CFAP210: variants seen among roughly 807,000 people sequenced by gnomAD.
CFAP210 encodes the protein cilia and flagella associated protein 210, also known as cilia- and flagella- associated protein 210.
chr2:169,670,540 C>T, the CFAP210 span, among the ~76,000 whole-genome samples: 1 of 152,144 alleles, frequency 6.6e-6, no homozygotes, highest in Non-Finnish European at 1.5e-5. Context: ...GAGTCAGAAA[C>T]CTGGGAGTGA....
chr2:169,665,510 G>A, the CFAP210 span, among the ~76,000 whole-genome samples: 12 of 152,078 alleles, frequency 7.9e-5, no homozygotes, highest in African/African-American at 2.9e-4. Context: ...AGTTGTTGCA[G>A]GGGAAGGATG....
At chr2:169,674,075 G>A in the CFAP210 span, among the ~76,000 whole-genome samples, 5 of 152,104 alleles carry the variant, frequency 3.3e-5, no homozygotes, top group East Asian at 1.9e-4. Context: ...CTGATGGAAG[G>A]CCAAGTATAC....
the CFAP210 span, among the ~76,000 whole-genome samples, chr2:169,694,063 TC>T: frequency 1.3e-5 from 2 of 152,218 alleles, no homozygotes; most frequent in African/African-American, 4.8e-5. Flanking sequence ...ACTCCCCGTT[TC>T]CCTCCTTCAC....
chr2:169,662,269 T>TTTC, the CFAP210 span: 1 of 1,590,060 alleles, frequency 6.3e-7, no homozygotes, highest in Non-Finnish European at 8.5e-7. Flanking sequence ...ACTTTTGCCC[T>TTTC]TTCAACTTAC....
chr2:169,681,579 G>A, the CFAP210 span, among the ~76,000 whole-genome samples: 1 of 152,098 alleles, frequency 6.6e-6, no homozygotes, highest in South Asian at 2.1e-4. Flanking sequence ...TAACAAAGTG[G>A]CAGTTTATAA....
At chr2:169,692,765 A>T in the CFAP210 span, among the ~76,000 whole-genome samples, 16 of 152,310 alleles carry the variant, frequency 1.1e-4, no homozygotes, top group East Asian at 2.9e-3. Context: ...GAGATTTTCC[A>T]AGGAACTATC....
the CFAP210 span, chr2:169,654,149 TTCA>T: frequency 1.2e-6 from 2 of 1,600,860 alleles, no homozygotes; most frequent in Non-Finnish European, 1.7e-6. Flanking sequence ...TTCTCATCTT[TTCA>T]TCTTCTTCCT....
chr2:169,694,334 C>T, the CFAP210 span: 2 of 1,613,706 alleles, frequency 1.2e-6, no homozygotes. Context: ...CCATGATGCT[C>T]CTAGATCTGG....
chr2:169,694,009 T>A, the CFAP210 span, among the ~76,000 whole-genome samples: 1 of 152,052 alleles, frequency 6.6e-6, no homozygotes, highest in Non-Finnish European at 1.5e-5. Flanking sequence ...ATTTCCTATC[T>A]TTTCTCCACC....
the CFAP210 span, chr2:169,661,412 C>T: frequency 5.4e-6 from 2 of 367,116 alleles, no homozygotes; most frequent in East Asian, 7.1e-5. Context: ...AACCTCCAAG[C>T]ACTCTCAGCC....
At chr2:169,649,209 C>T in the CFAP210 span, 5 of 1,612,424 alleles carry the variant, frequency 3.1e-6, no homozygotes, top group Non-Finnish European at 1.7e-6. Context: ...CATCTTGAAC[C>T]TCTTGATGTT....
chr2:169,660,070 TTTTG>T, the CFAP210 span, among the ~76,000 whole-genome samples: 1 of 150,058 alleles, frequency 6.7e-6, no homozygotes. Context: ...GGTTTGTAAA[TTTTG>T]TTTATCTTTA....
chr2:169,655,602 C>CA, the CFAP210 span, among the ~76,000 whole-genome samples: 83,692 of 151,852 alleles, frequency 0.55, 23,205 homozygotes, highest in South Asian at 0.63. Context: ...TTTTATAATA[C>CA]AAAAAATACA....
chr2:169,668,181 A>T, the CFAP210 span, among the ~76,000 whole-genome samples: 7 of 152,310 alleles, frequency 4.6e-5, no homozygotes, highest in East Asian at 1.3e-3. Flanking sequence ...TTATGGAGGC[A>T]GCTTCTTTCC....
chr2:169,672,093 G>A, the CFAP210 span, among the ~76,000 whole-genome samples: 1 of 152,128 alleles, frequency 6.6e-6, no homozygotes, highest in Non-Finnish European at 1.5e-5. Flanking sequence ...GTATTTTAAA[G>A]TAACATGCAT....
At chr2:169,656,244 C>G in the CFAP210 span, among the ~76,000 whole-genome samples, 1 of 151,700 alleles carries the variant, frequency 6.6e-6, no homozygotes, top group East Asian at 1.9e-4. Context: ...GAGCCAACAT[C>G]GTGCCACTGC....
the CFAP210 span, among the ~76,000 whole-genome samples, chr2:169,660,334 G>A: frequency 4.0e-5 from 6 of 150,696 alleles, no homozygotes; most frequent in Non-Finnish European, 8.8e-5. Flanking sequence ...AGGTTGCAGT[G>A]AGCTGAGATC....
chr2:169,679,486 G>A, the CFAP210 span, among the ~76,000 whole-genome samples: 2 of 151,940 alleles, frequency 1.3e-5, no homozygotes, highest in East Asian at 3.9e-4. Context: ...AGACCATCCT[G>A]GCTAACATGG....
the CFAP210 span, among the ~76,000 whole-genome samples, chr2:169,646,386 T>G: frequency 6.6e-6 from 1 of 152,214 alleles, no homozygotes; most frequent in Admixed American, 6.5e-5. Flanking sequence ...CCTTTATTAA[T>G]AGCCTTATGT....
Sources: allele counts gnomAD v4.1 joint callset (sites outside exome capture counted in the v4.1 genomes callset), GRCh38; gene constraint gnomAD v4.1.1; transcripts MANE v1.5; gene names NCBI Gene and HGNC (gene_info 2026-07-23, HGNC 2026-07-21).